The following SYNE1 variants were observed in gnomAD, a reference collection of about 807,000 sequenced individuals.
SYNE1 encodes nesprin-1.
In SYNE1, 616 loss-of-function variants were observed where a neutral mutation model predicts 1,111.0. The observed-to-expected ratio is 0.55, with a 90% CI of 0.52 to 0.59. SYNE1 has a LOEUF of 0.59. Ranked by LOEUF, SYNE1 falls within the 20% of genes least tolerant of loss-of-function variation. The pLI, the probability that SYNE1 is intolerant of heterozygous loss-of-function variation, is 0.00. For synonymous variants in SYNE1, 3,855 were observed against 3,825.8 expected (o/e 1.01, Z -0.28); for missense variants, 10,006 against 10,417.0 (o/e 0.96, Z 1.72).
intron 7 of SYNE1, among the ~76,000 whole-genome samples, 159 bp from the exon 8 acceptor site, chr6:152,510,530 C>T (rs924992751): frequency 1.3e-5 from 2 of 152,176 alleles, no homozygotes. Flanking sequence ...TCTTACTCCT[C>T]TTTGTACTTC....
chr6:152,145,807 C>T, intron 137 of SYNE1: 2 of 424,826 alleles, frequency 4.7e-6, no homozygotes, highest in South Asian at 2.1e-5. Context: ...GGTGGATCAC[C>T]TGAGGTCAGG....
chr6:152,185,947 T>C (rs1439727073), intron 128 of SYNE1, among the ~76,000 whole-genome samples: 1 of 152,210 alleles, frequency 6.6e-6, no homozygotes, highest in East Asian at 1.9e-4. Flanking sequence ...CAAAATCTTG[T>C]CATTATTTTA....
At chr6:152,299,270 T>TAATC (rs1350247559) in intron 93 of SYNE1, among the ~76,000 whole-genome samples, 1 of 152,236 alleles carries the variant, frequency 6.6e-6, no homozygotes, top group African/African-American at 2.4e-5. Flanking sequence ...TTCTATATAA[T>TAATC]AATCAGCCGA....
chr6:152,548,799 C>T (rs1467306212), intron 3 of SYNE1, among the ~76,000 whole-genome samples: 1 of 152,150 alleles, frequency 6.6e-6, no homozygotes, highest in African/African-American at 2.4e-5. Flanking sequence ...CTTTGTCCTT[C>T]CCATCCAGGG....
Position 152,354,945 on chromosome 6 carries a change from G to A in SYNE1, c.10640C>T (p.Ala3547Val), listed in dbSNP as rs773465744. 2 of 1,614,080 alleles carry A rather than the reference G, an allele frequency of 1.2e-6. No homozygotes were observed. Among genetic ancestry groups the A allele is most frequent in the East Asian group, 4.5e-5 (2 of 44,868 alleles). The stretch of plus-strand genomic sequence containing the variant: ...GGTGTGCAGCACTGAGTTCAACAGG[G>A]CCTGCCCCTCTGCACAGTGTACCTG... ...ELQVHCAEGQ[A>V]LLNSVLHTRE... is the part of the protein sequence containing the mutation. Residue 3547 changes from alanine (A) to valine (V), a missense_variant, in exon 67 of 146, where the codon GCC becomes GTC. Transcript: ENST00000367255.
Position 152,471,778 on chromosome 6 carries a change from CAG to C in SYNE1, c.1464-15_1464-14del. 6.2e-7 allele frequency: 1 copy of C among 1,612,352 alleles called. No homozygotes were observed. The highest frequency in any genetic ancestry group is 8.5e-7 in the Non-Finnish European group (1 of 1,178,820). On this transcript the variant is annotated splice_polypyrimidine_tract_variant and intron_variant, in intron 15 of 145. Coordinates refer to ENST00000367255, the MANE Select transcript of SYNE1 (RefSeq NM_182961.4). ...AACAAAATGAAACCTAGAAATAAAA[CAG>C]GGAGAATTTATAGAATGTAACTAAT...
At chr6:152,168,410 G>T in intron 130 of SYNE1, 1 of 549,246 alleles carries the variant, frequency 1.8e-6, no homozygotes, top group Non-Finnish European at 3.2e-6. Flanking sequence ...CATGTGCCAG[G>T]CTTGATCTCC....
intron 130 of SYNE1, among the ~76,000 whole-genome samples, chr6:152,165,273 T>A (rs968571039): frequency 3.3e-5 from 5 of 152,208 alleles, no homozygotes; most frequent in African/African-American, 1.2e-4. Flanking sequence ...ATTTTGAACA[T>A]TTGATTTATT....
intron 91 of SYNE1, among the ~76,000 whole-genome samples, chr6:152,305,562 C>T (rs1015233821): frequency 6.6e-6 from 1 of 152,034 alleles, no homozygotes; most frequent in Non-Finnish European, 1.5e-5. Flanking sequence ...CCACACCTGG[C>T]CGAAAAATTA....
At chr6:152,314,602 G>A (rs1046449507) in intron 87 of SYNE1, among the ~76,000 whole-genome samples, 3 of 152,068 alleles carry the variant, frequency 2.0e-5, no homozygotes, top group Non-Finnish European at 2.9e-5. Flanking sequence ...CTGGGGTGGG[G>A]ACAGGGAATA....
At chr6:152,227,867 T>G (rs1285286053) in intron 115 of SYNE1, among the ~76,000 whole-genome samples, 3 of 152,102 alleles carry the variant, frequency 2.0e-5, no homozygotes, top group Non-Finnish European at 4.4e-5. Flanking sequence ...AAAATAAAGG[T>G]GTGTTTCCCT....
intron 74 of SYNE1, among the ~76,000 whole-genome samples, chr6:152,340,671 A>G (rs9397101): frequency 0.5 from 76,548 of 151,824 alleles, 19,415 homozygotes; most frequent in East Asian, 0.59. Context: ...GTTCCATTTG[A>G]GAAAACAAAT....
intron 103 of SYNE1, 129 bp from the exon 104 acceptor site, chr6:152,255,218 G>A: frequency 1.2e-6 from 1 of 831,426 alleles, no homozygotes; most frequent in East Asian, 2.7e-5. Flanking sequence ...TAAGACAACT[G>A]GAACCTCTTT....
chr6:152,144,052 C>T, intron 137 of SYNE1: 1 of 443,688 alleles, frequency 2.3e-6, no homozygotes, highest in Non-Finnish European at 4.2e-6. Context: ...CCAGCTGAAC[C>T]CCTGATCATC....
At position 152,259,488 on chromosome 6, in the gene SYNE1, AACT is replaced by A. The variant is rs1405518167; in HGVS notation, c.18972+2541_18972+2543del. Among the ~76,000 whole-genome samples the A allele has an allele frequency of 4.6e-5, 7 of 152,304 alleles. No homozygotes were observed. The East Asian group carries it at 1.4e-3, about 29-fold the overall frequency. On this transcript the variant is annotated intron_variant, in intron 101 of 145. Coordinates refer to ENST00000367255, the MANE Select transcript of SYNE1 (RefSeq NM_182961.4). Reference sequence around the variant, plus strand: ...AAAATGTGCCTGTTTTTACATATGAAACTAGTAAGTATTTCTAGGATACAAAAT... The same window carrying A: ...AAAATGTGCCTGTTTTTACATATGAAAGTAAGTATTTCTAGGATACAAAAT...
Position 152,505,233 on chromosome 6 carries a change from T to A in SYNE1, c.746A>T (p.Glu249Val), listed in dbSNP as rs750178248. The A allele has an allele frequency of 4.3e-6, 7 of 1,613,968 alleles. No individual in the cohort carries two copies. The Admixed American group carries it at 1.2e-4, about 27-fold the overall frequency. The change falls in exon 9 of 146, where the codon GAA becomes GTA. Residue 249 changes from glutamate (E) to valine (V), a missense_variant. Around this residue, in one of 7 missense-constraint regions of SYNE1, gnomAD observed 1,971 missense variants for 2,084.1 expected, o/e 0.95. Coordinates refer to ENST00000367255, the MANE Select transcript of SYNE1 (RefSeq NM_182961.4). ...ATCTAGCAGTCTTGGGATCCCCAGT[T>A]CTGTTTCGGCGATAGTGAAAGCATC... ...LEDAFTIAET[E>V]LGIPRLLDPE...
At chr6:152,346,766 C>T (rs1048481024) in intron 73 of SYNE1, among the ~76,000 whole-genome samples, 93 of 152,160 alleles carry the variant, frequency 6.1e-4, no homozygotes, top group Non-Finnish European at 6.3e-4. Context: ...GCCGAGATCG[C>T]GCCACTGCAC....
chr6:152,331,979 T>C, intron 77 of SYNE1, 89 bp from the exon 78 acceptor site: 1 of 1,574,268 alleles, frequency 6.4e-7, no homozygotes, highest in East Asian at 2.2e-5. Context: ...CTTCACCATT[T>C]TCTTTTTGGA....
At chr6:152,203,320 A>T (rs1436923588) in intron 126 of SYNE1, among the ~76,000 whole-genome samples, 1 of 152,208 alleles carries the variant, frequency 6.6e-6, no homozygotes, top group African/African-American at 2.4e-5. Context: ...CACCTTATCT[A>T]CACATTAACT....
Sources: allele counts gnomAD v4.1 joint callset (sites outside exome capture counted in the v4.1 genomes callset), GRCh38; gene constraint gnomAD v4.1.1; regional missense constraint gnomAD v4.1.1; transcripts MANE v1.5; gene names NCBI Gene and HGNC (gene_info 2026-07-23, HGNC 2026-07-21).